The following TMPRSS15 variants were observed in gnomAD, a reference collection of about 807,000 sequenced individuals.
The protein encoded by TMPRSS15 is transmembrane serine protease 15.
Under a neutral mutation model 125.3 loss-of-function variants are expected in TMPRSS15, and 128 were observed. The ratio of observed to expected loss-of-function variants is 1.02; its 90% CI spans 0.89 to 1.18. TMPRSS15 has a LOEUF of 1.18. Ranked by LOEUF, TMPRSS15 falls within the 50% of genes most tolerant of loss-of-function variation. The probability of loss-of-function intolerance (pLI) is 0.00; values close to 1 mark genes in which losing one functional copy is unlikely to be tolerated. For synonymous variants in TMPRSS15, 446 were observed against 423.2 expected (o/e 1.05, Z -0.66); for missense variants, 1,283 against 1,212.7 (o/e 1.06, Z -0.86).
intron 14 of TMPRSS15, among the ~76,000 whole-genome samples, chr21:18,330,873 C>A (rs2075337563): frequency 1.3e-5 from 2 of 151,906 alleles, no homozygotes; most frequent in African/African-American, 4.8e-5. Flanking sequence ...CAGATCGAGA[C>A]CATCCTGGCT....
rs1408156983 is a variant in TMPRSS15, at chr21:18,396,792, A to AATCTG, written c.344+1086_344+1087insCAGAT. On this transcript the variant is annotated intron_variant, in intron 3 of 24. Transcript: ENST00000284885. Reference sequence around the variant, plus strand: ...CTGTCTCAAAAAAAAAAAAAAAAAAATCTGTCTGTCTGTCTGTCTATCTAT... The same window carrying AATCTG: ...CTGTCTCAAAAAAAAAAAAAAAAAAAATCTGTCTGTCTGTCTGTCTGTCTATCTAT... Among the ~76,000 whole-genome samples the AATCTG allele has an allele frequency of 4.9e-4, 55 of 112,790 alleles. 2 individuals are homozygous for AATCTG. The highest frequency in any genetic ancestry group is 1.7e-3 in the African/African-American group (51 of 29,272). The allele number at this position is 112,790 out of a possible 152,430, so 74.0% of individuals were successfully genotyped here. A position where few individuals can be genotyped will look rare whatever the true frequency, so the allele number is the denominator to read the frequency against.
At chr21:18,462,796 G>A (rs1978575890) in intron 1 of TMPRSS15, among the ~76,000 whole-genome samples, 1 of 151,922 alleles carries the variant, frequency 6.6e-6, no homozygotes, top group Non-Finnish European at 1.5e-5. Flanking sequence ...AAATTTTAAG[G>A]GCAGCCAGAG....
At chr21:18,321,703 G>C (rs865915317) in intron 16 of TMPRSS15, among the ~76,000 whole-genome samples, 3 of 152,170 alleles carry the variant, frequency 2.0e-5, no homozygotes, top group Non-Finnish European at 2.9e-5. Context: ...AACCACCAAA[G>C]TAAAGTGCCA....
intron 1 of TMPRSS15, among the ~76,000 whole-genome samples, chr21:18,478,268 A>G (rs912897140): frequency 5.3e-5 from 8 of 151,934 alleles, no homozygotes; most frequent in Admixed American, 3.9e-4. Context: ...GTCTCCATCT[A>G]CACCGTCCCT....
At chr21:18,304,889 T>A (rs1161768982) in intron 18 of TMPRSS15, among the ~76,000 whole-genome samples, 1 of 152,206 alleles carries the variant, frequency 6.6e-6, no homozygotes, top group African/African-American at 2.4e-5. Context: ...TATATTCTTA[T>A]TAATTTCCTG....
At chr21:18,380,131 C>T (rs2075877631) in intron 4 of TMPRSS15, among the ~76,000 whole-genome samples, 1 of 150,838 alleles carries the variant, frequency 6.6e-6, no homozygotes, top group South Asian at 2.1e-4. Context: ...AGCTTCATCA[C>T]CAAGGCACCA....
Position 18,365,215 on chromosome 21 carries a change from C to T in TMPRSS15, c.698G>A (p.Gly233Glu). ...AGTAGCCTGGAAAGACCCAGATGAT[C>T]CAGTTAACAAAAATCTTCCATCACA... is the stretch of plus-strand genomic sequence containing the variant. ...TVCDGRFLLT[G>E]SSGSFQATHY... Residue 233 changes from glycine (G) to glutamate (E), a missense_variant, in exon 7 of 25, where the codon GGA becomes GAA. Coordinates refer to ENST00000284885, the MANE Select transcript of TMPRSS15 (RefSeq NM_002772.3). 1 of 1,614,072 alleles carries T rather than the reference C, an allele frequency of 6.2e-7. No individual in the cohort carries two copies. Among genetic ancestry groups the T allele is most frequent in the East Asian group, 2.2e-5 (1 of 44,850 alleles).
intron 7 of TMPRSS15, 59 bp downstream of exon 7, chr21:18,365,081 C>A: frequency 1.5e-6 from 2 of 1,354,012 alleles, no homozygotes; most frequent in Non-Finnish European, 2.1e-6. Flanking sequence ...AGCAATAAGA[C>A]GTTGCATCAG....
At chr21:18,441,604 C>A (rs1265214473) in intron 1 of TMPRSS15, among the ~76,000 whole-genome samples, 5 of 71,802 alleles carry the variant, frequency 7.0e-5, no homozygotes, top group Non-Finnish European at 1.0e-4. Context: ...AAGACTCCAT[C>A]TCAAAAAAAA....
intron 1 of TMPRSS15, among the ~76,000 whole-genome samples, chr21:18,452,836 A>G (rs555977080): frequency 5.9e-5 from 9 of 152,330 alleles, no homozygotes; most frequent in South Asian, 2.1e-4. Context: ...GTGCAATTTG[A>G]TGAGTTTGGA....
chr21:18,339,448 T>C (rs1228576905), intron 13 of TMPRSS15, among the ~76,000 whole-genome samples: 1 of 152,182 alleles, frequency 6.6e-6, no homozygotes, highest in Non-Finnish European at 1.5e-5. Flanking sequence ...TCCTTGAAGA[T>C]TGGAAGCAGA....
chr21:18,332,376 G>A (rs1271043569), intron 13 of TMPRSS15, among the ~76,000 whole-genome samples: 1 of 152,178 alleles, frequency 6.6e-6, no homozygotes, highest in Non-Finnish European at 1.5e-5. Context: ...GATCAGTGAT[G>A]TTGAGCTTTT....
In TMPRSS15 at chr21:18,409,917, CCCTT is replaced by C. The variant is rs1168404266; in HGVS notation, c.11-11592_11-11589del. Among the ~76,000 whole-genome samples, 939 of 132,864 alleles carry C rather than the reference CCCTT, an allele frequency of 7.1e-3. 8 individuals carry two copies. The highest frequency in any genetic ancestry group is 0.02 in the African/African-American group (692 of 35,402). The allele number at this position is 132,864 out of a possible 152,430, so 87.2% of individuals were successfully genotyped here. ...TTCCTTCCTTCTTCCCTCCCTCCCTCCCTTCCTTCCTTCCTTTCTTCCTTCCTTC... is the reference window on the plus strand; with the variant it reads ...TTCCTTCCTTCTTCCCTCCCTCCCTCCCTTCCTTCCTTTCTTCCTTCCTTC... On this transcript the variant is annotated intron_variant, in intron 1 of 7. Coordinates refer to the TMPRSS15 transcript ENST00000422787.
chr21:18,357,769 A>G (rs2075639956), intron 8 of TMPRSS15, among the ~76,000 whole-genome samples: 1 of 151,794 alleles, frequency 6.6e-6, no homozygotes, highest in African/African-American at 2.4e-5. Flanking sequence ...TGATAGAAAT[A>G]TATCCCAGTT....
intron 21 of TMPRSS15, among the ~76,000 whole-genome samples, chr21:18,290,060 C>A (rs892621538): frequency 6.6e-6 from 1 of 152,176 alleles, no homozygotes; most frequent in Non-Finnish European, 1.5e-5. Context: ...TTCTCAAACT[C>A]CTTTTTGTGT....
At chr21:18,403,186 CTTAT>C (rs2076112706) in intron 1 of TMPRSS15, among the ~76,000 whole-genome samples, 1 of 152,096 alleles carries the variant, frequency 6.6e-6, no homozygotes, top group Admixed American at 6.6e-5. Flanking sequence ...AACCAAGATA[CTTAT>C]TTAACATTAT....
At chr21:18,467,060 C>G (rs1978677947) in intron 1 of TMPRSS15, among the ~76,000 whole-genome samples, 1 of 152,100 alleles carries the variant, frequency 6.6e-6, no homozygotes. Flanking sequence ...ACATATACAC[C>G]ATGGAATACT....
Position 18,352,988 on chromosome 21 carries a change from A to G in TMPRSS15, c.1086T>C (p.Asp362=). ...GFCFWVQDLN[D]DNEWERIQGS... is the part of the protein sequence containing the mutation. ...CCTGAATCCTTTCCCATTCATTATCATCATTTAGATCCTGGACCCAGAAAC... is the reference window on the plus strand; with the variant it reads ...CCTGAATCCTTTCCCATTCATTATCGTCATTTAGATCCTGGACCCAGAAAC... Residue 362 remains aspartate, a synonymous_variant, in exon 10 of 25, where the codon GAT becomes GAC. Transcript: ENST00000284885. The G allele has an allele frequency of 6.2e-7, 1 of 1,612,010 alleles. No homozygotes were observed. Among genetic ancestry groups the G allele is most frequent in the Non-Finnish European group, 8.5e-7 (1 of 1,178,868 alleles).
At chr21:18,367,134 AT>A (rs2075745787) in intron 6 of TMPRSS15, among the ~76,000 whole-genome samples, 1 of 152,102 alleles carries the variant, frequency 6.6e-6, no homozygotes, top group Non-Finnish European at 1.5e-5. Flanking sequence ...TTAGCTTATG[AT>A]TTGGTAACCT....
Sources: gnomAD v4.1 joint callset for allele counts (sites outside exome capture counted in the v4.1 genomes callset) on GRCh38, gnomAD v4.1.1 for gene constraint, MANE v1.5 for transcripts, NCBI Gene and HGNC (gene_info 2026-07-23, HGNC 2026-07-21) for gene names.